Variants in ITGA8 observed in about 807,000 individuals in gnomAD.
ITGA8 encodes the protein integrin subunit alpha 8.
ITGA8 carries 91 observed loss-of-function variants against 142.3 expected under a neutral mutation model. The ratio of observed to expected loss-of-function variants is 0.64; its 90% CI spans 0.54 to 0.76. ITGA8 has a LOEUF of 0.76. ITGA8 is among the 30% of genes least tolerant of loss of function. The pLI is 0.00. For missense variants in ITGA8, 1,406 were observed against 1,327.7 expected, an observed-to-expected ratio of 1.06 and a Z score of -0.92; for synonymous variants, 505 against 485.2, an observed-to-expected ratio of 1.04 and a Z score of -0.54.
intron 25 of ITGA8, among the ~76,000 whole-genome samples, chr10:15,559,783 T>C (rs1302884209): frequency 8.5e-6 from 1 of 118,274 alleles, no homozygotes; most frequent in Non-Finnish European, 1.6e-5. Context: ...TGAGAACACA[T>C]GGACACAGGG....
intron 28 of ITGA8, among the ~76,000 whole-genome samples, chr10:15,527,782 A>AGTC (rs536588448): frequency 6.7e-4 from 102 of 152,230 alleles, no homozygotes; most frequent in African/African-American, 2.3e-3. Context: ...AGCAAATAGT[A>AGTC]GTCTCATTAT....
intron 23 of ITGA8, 119 bp from the exon 24 acceptor site, chr10:15,575,713 C>A (rs780068807): frequency 1.8e-5 from 13 of 714,472 alleles, no homozygotes; most frequent in Non-Finnish European, 2.7e-5. Flanking sequence ...TGAGTAGATA[C>A]TCCCTACAGG....
intron 13 of ITGA8, among the ~76,000 whole-genome samples, chr10:15,633,611 G>T (rs529928852): frequency 3.3e-5 from 5 of 152,118 alleles, no homozygotes; most frequent in East Asian, 1.9e-4. Flanking sequence ...GTAGAGACAG[G>T]GTTTTACCAT....
chr10:15,644,486 ATATATAGAATT>A (rs1833940311), intron 12 of ITGA8, among the ~76,000 whole-genome samples: 2 of 9,352 alleles, frequency 2.1e-4, no homozygotes, highest in African/African-American at 3.7e-4. Flanking sequence ...ATATATATAT[ATATATAGAATT>A]TTTTTTTTTT....
chr10:15,666,293 G>T (rs945175670), intron 8 of ITGA8, among the ~76,000 whole-genome samples: 2 of 152,112 alleles, frequency 1.3e-5, no homozygotes, highest in South Asian at 2.1e-4. Flanking sequence ...ATGAATGGGA[G>T]TTCACTCATG....
At chr10:15,713,177 T>C (rs1241025505) in intron 2 of ITGA8, among the ~76,000 whole-genome samples, 1 of 152,234 alleles carries the variant, frequency 6.6e-6, no homozygotes, top group Admixed American at 6.5e-5. Flanking sequence ...GGGATGATGG[T>C]TGCCTCTGTC....
intron 6 of ITGA8, 99 bp downstream of exon 6, chr10:15,677,493 A>T: frequency 2.2e-6 from 2 of 923,782 alleles, no homozygotes; most frequent in East Asian, 2.5e-5. Flanking sequence ...AAGGATATAA[A>T]ATTAAGGTAA....
chr10:15,592,072 T>C (rs113041675), intron 22 of ITGA8, among the ~76,000 whole-genome samples, 153 bp downstream of exon 22: 400 of 152,280 alleles, frequency 2.6e-3, no homozygotes, highest in African/African-American at 9.4e-3. Context: ...ACTGAAACAA[T>C]TGAGAAAAAC....
chr10:15,685,636 G>C (rs1834820722), intron 3 of ITGA8, among the ~76,000 whole-genome samples: 1 of 152,072 alleles, frequency 6.6e-6, no homozygotes, highest in African/African-American at 2.4e-5. Flanking sequence ...CCTCATCCAT[G>C]CCTTTTCATT....
In ITGA8 at chr10:15,678,253, A is replaced by G. The variant is rs922098997; in HGVS notation, c.630+469T>C. Among the ~76,000 whole-genome samples the G allele has an allele frequency of 6.6e-5, 10 of 152,188 alleles. 1 individual carries two copies. The highest frequency in any genetic ancestry group is 5.8e-4 in the East Asian group (3 of 5,202). On this transcript the variant is annotated intron_variant, in intron 5 of 29. Coordinates refer to ENST00000378076, the MANE Select transcript of ITGA8 (RefSeq NM_003638.3). ...TACGTTGATGAAATTTTTCTATACT[A>G]TTTTCAAAACCACAGAATCTTTTCC...
chr10:15,611,733 C>T (rs1400943868), intron 15 of ITGA8, among the ~76,000 whole-genome samples: 1 of 151,882 alleles, frequency 6.6e-6, no homozygotes, highest in Non-Finnish European at 1.5e-5. Context: ...CCCGCCTTGG[C>T]CTCCCAAAGT....
chr10:15,520,912 C>G (rs1833053733), intron 28 of ITGA8, among the ~76,000 whole-genome samples: 1 of 152,208 alleles, frequency 6.6e-6, no homozygotes, highest in Non-Finnish European at 1.5e-5. Context: ...AGGTTGGCGG[C>G]TCTGAGATTT....
chr10:15,547,186 A>T (rs967635200), intron 27 of ITGA8, among the ~76,000 whole-genome samples: 1 of 152,176 alleles, frequency 6.6e-6, no homozygotes, highest in African/African-American at 2.4e-5. Context: ...TCCCCAAACA[A>T]TAAGGTTGTA....
At chr10:15,628,160 G>T (rs1469729414) in intron 13 of ITGA8, among the ~76,000 whole-genome samples, 1 of 151,714 alleles carries the variant, frequency 6.6e-6, no homozygotes, top group Non-Finnish European at 1.5e-5. Flanking sequence ...GAAAACTTAC[G>T]AATAATCCAC....
Position 15,517,027 on chromosome 10 carries a change from T to TC in ITGA8, c.*130_*131insG. ...AAAGTGCGGTGTAGATGAGGTGATG[T>TC]TTCCAGGGTCCCCTCCATTTCCTGG... On this transcript the variant is annotated 3_prime_UTR_variant, in exon 30 of 30. Coordinates refer to ENST00000378076, the MANE Select transcript of ITGA8 (RefSeq NM_003638.3). 3 of 471,710 alleles carry TC rather than the reference T, an allele frequency of 6.4e-6. No homozygotes were observed. The highest frequency in any genetic ancestry group is 4.0e-5 in the South Asian group (1 of 24,886). The allele number at this position is 471,710 out of a possible 1,614,324, so 29.2% of individuals were successfully genotyped here. A position where few individuals can be genotyped will look rare whatever the true frequency, so the allele number is the denominator to read the frequency against.
intron 28 of ITGA8, among the ~76,000 whole-genome samples, chr10:15,522,505 G>C (rs902828666): frequency 5.9e-5 from 9 of 152,144 alleles, no homozygotes; most frequent in Admixed American, 2.0e-4. Flanking sequence ...TCTACTCACA[G>C]GCCAGTTACA....
chr10:15,698,731 T>C (rs1046730377), intron 2 of ITGA8, among the ~76,000 whole-genome samples: 1 of 152,238 alleles, frequency 6.6e-6, no homozygotes, highest in Non-Finnish European at 1.5e-5. Flanking sequence ...TGTCTGTTCA[T>C]GTCCTTAGCC....
intron 2 of ITGA8, among the ~76,000 whole-genome samples, chr10:15,709,246 G>C (rs1453980086): frequency 6.6e-6 from 1 of 152,176 alleles, no homozygotes; most frequent in African/African-American, 2.4e-5. Context: ...CAGAAACGCT[G>C]CTCCAGCTTT....
chr10:15,621,479 AAAAGCCAAACCTTT>A (rs146365742), intron 13 of ITGA8, among the ~76,000 whole-genome samples: 27,056 of 152,170 alleles, frequency 0.18, 3,000 homozygotes, highest in Admixed American at 0.29. Context: ...AATGAGGAAG[AAAAGCCAAACCTTT>A]AAAGTGGTGC....
Sources: allele counts gnomAD v4.1 joint callset (sites outside exome capture counted in the v4.1 genomes callset), GRCh38; gene constraint gnomAD v4.1.1; transcripts MANE v1.5; gene names NCBI Gene and HGNC (gene_info 2026-07-23, HGNC 2026-07-21).